The following TRPM3 variants were observed in gnomAD, a reference collection of about 807,000 sequenced individuals.
TRPM3 encodes the protein transient receptor potential cation channel subfamily M member 3.
Under a neutral mutation model 181.2 loss-of-function variants are expected in TRPM3, and 77 were observed. That is an observed-to-expected ratio of 0.42 (90% confidence interval 0.35 to 0.51). TRPM3 has a LOEUF of 0.51. Among genes scored for constraint, TRPM3 ranks in the 20% least tolerant of loss-of-function variants. The pLI, the probability that TRPM3 is intolerant of heterozygous loss-of-function variation, is 0.01. For missense variants in TRPM3, 1,759 were observed against 2,196.7 expected (o/e 0.80, Z 3.98); for synonymous variants, 745 against 796.4 (o/e 0.94, Z 1.09).
chr9:70,963,174 T>C (rs1454896953), intron 1 of TRPM3, among the ~76,000 whole-genome samples: 1 of 152,226 alleles, frequency 6.6e-6, no homozygotes, highest in African/African-American at 2.4e-5. Context: ...TTTCTGTATT[T>C]GTATGCACTG....
intron 1 of TRPM3, among the ~76,000 whole-genome samples, chr9:71,391,751 G>A (rs12352829): frequency 0.19 from 29,090 of 151,892 alleles, 3,080 homozygotes; most frequent in African/African-American, 0.27. Flanking sequence ...AATTCCTTAT[G>A]GTTCAACCTA....
intron 25 of TRPM3, among the ~76,000 whole-genome samples, chr9:70,547,276 AATGTGTGTATATACATACATATAC>A (rs2045226053): frequency 6.6e-6 from 1 of 152,066 alleles, no homozygotes; most frequent in South Asian, 2.1e-4. Flanking sequence ...TACCTTTCCA[AATGTGTGTATATACATACATATAC>A]ATATGTGTAT....
At chr9:70,917,371 T>A in intron 1 of TRPM3, 1 of 956,896 alleles carries the variant, frequency 1.0e-6, no homozygotes. Context: ...GTGAAAGGCC[T>A]TCAACCACTC....
chr9:71,079,254 C>T (rs943113979), intron 1 of TRPM3, among the ~76,000 whole-genome samples: 17 of 152,134 alleles, frequency 1.1e-4, no homozygotes, highest in South Asian at 2.1e-4. Context: ...AACAAAAGTG[C>T]TCTCTATGGG....
intron 1 of TRPM3, among the ~76,000 whole-genome samples, chr9:71,021,649 A>C (rs141810394): frequency 6.6e-5 from 10 of 152,332 alleles, no homozygotes; most frequent in African/African-American, 2.2e-4. Flanking sequence ...GTAAATGTTG[A>C]AAAGTTTCAC....
At chr9:70,942,415 G>A (rs1221272734) in intron 1 of TRPM3, among the ~76,000 whole-genome samples, 1 of 152,156 alleles carries the variant, frequency 6.6e-6, no homozygotes, top group Non-Finnish European at 1.5e-5. Flanking sequence ...AGAATTGTAA[G>A]ATTCAGAAAG....
At chr9:70,569,742 A>G (rs1380810835) in intron 22 of TRPM3, among the ~76,000 whole-genome samples, 1 of 152,220 alleles carries the variant, frequency 6.6e-6, no homozygotes, top group East Asian at 1.9e-4. Flanking sequence ...ATTTGCTCTC[A>G]TAGAATACTA....
chr9:71,372,922 T>C (rs2092563215), intron 1 of TRPM3, among the ~76,000 whole-genome samples: 2 of 152,092 alleles, frequency 1.3e-5, no homozygotes, highest in South Asian at 4.1e-4. Context: ...TAATAAACAG[T>C]CTGTCAGACA....
chr9:70,577,334 T>C (rs2054296643), intron 22 of TRPM3, among the ~76,000 whole-genome samples: 1 of 152,218 alleles, frequency 6.6e-6, no homozygotes, highest in South Asian at 2.1e-4. Flanking sequence ...ATGCAGAAGT[T>C]AAGAGCGTGG....
rs975935420 is a variant in TRPM3 at position 70,616,166 on chromosome 9, G to A, written c.2359-91C>T. Reference sequence around the variant, plus strand: ...AGAATCAGAGAGCCTGAGGTATGGGGTATAAGAGTGTATGCGTGTGTGTGT... The same window carrying A: ...AGAATCAGAGAGCCTGAGGTATGGGATATAAGAGTGTATGCGTGTGTGTGT... On this transcript the variant is annotated intron_variant, in intron 17 of 25. Coordinates refer to ENST00000677713, the MANE Select transcript of TRPM3 (RefSeq NM_001366145.2). 2.5e-5 allele frequency: 23 copies of A among 937,170 alleles called. No homozygotes were observed. The African/African-American group carries it at 3.7e-4, about 15-fold the overall frequency. 58.1% of individuals were successfully genotyped at this position (937,170 alleles called of 1,614,324 possible).
intron 1 of TRPM3, among the ~76,000 whole-genome samples, chr9:71,200,920 T>C (rs2078744126): frequency 6.6e-6 from 1 of 150,940 alleles, no homozygotes; most frequent in Non-Finnish European, 1.5e-5. Flanking sequence ...GTCATTATGA[T>C]GTTAGCTGGT....
intron 25 of TRPM3, among the ~76,000 whole-genome samples, chr9:70,537,737 T>C (rs565311313): frequency 6.6e-6 from 1 of 152,176 alleles, no homozygotes; most frequent in African/African-American, 2.4e-5. Context: ...CTTATTGAAG[T>C]AGAGTGGGGC....
chr9:70,781,122 G>A (rs1331996389), intron 7 of TRPM3, among the ~76,000 whole-genome samples: 8 of 151,882 alleles, frequency 5.3e-5, no homozygotes, highest in Non-Finnish European at 1.2e-4. Context: ...TTAGGAGATC[G>A]AGACCATCCT....
intron 22 of TRPM3, among the ~76,000 whole-genome samples, chr9:70,568,395 C>T (rs1040365110): frequency 1.3e-5 from 2 of 152,134 alleles, no homozygotes; most frequent in Non-Finnish European, 2.9e-5. Context: ...ATTGTTACAA[C>T]AAACATTTTA....
At chr9:71,123,361 G>A (rs1053625081), upstream of TRPM3, among the ~76,000 whole-genome samples, 2 of 152,194 alleles carry the variant, frequency 1.3e-5, no homozygotes, top group Admixed American at 6.5e-5. Flanking sequence ...TTTGAAGCTA[G>A]TCTTGGGAGA....
intron 6 of TRPM3, among the ~76,000 whole-genome samples, chr9:70,812,822 G>T (rs1005257308): frequency 6.6e-6 from 1 of 152,128 alleles, no homozygotes; most frequent in Non-Finnish European, 1.5e-5. Flanking sequence ...TTTAGTGAAG[G>T]TCAAGTGGGG....
At chr9:71,038,755 A>G (rs1056031867) in intron 1 of TRPM3, among the ~76,000 whole-genome samples, 1 of 152,126 alleles carries the variant, frequency 6.6e-6, no homozygotes, top group Non-Finnish European at 1.5e-5. Context: ...CAGGTCAGGG[A>G]AAGCTTTCTG....
At chr9:70,697,374 T>C (rs995294737) in intron 8 of TRPM3, among the ~76,000 whole-genome samples, 1 of 152,234 alleles carries the variant, frequency 6.6e-6, no homozygotes. Context: ...TTTCTGTTTA[T>C]CAGCTTTATT....
At chr9:70,917,428 G>A in intron 1 of TRPM3, 1 of 816,982 alleles carries the variant, frequency 1.2e-6, no homozygotes, top group Non-Finnish European at 2.2e-6. Flanking sequence ...GCTCAGAAAT[G>A]AACTCGGCCA....
Sources: gnomAD v4.1 joint callset for allele counts (sites outside exome capture counted in the v4.1 genomes callset) on GRCh38, gnomAD v4.1.1 for gene constraint, MANE v1.5 for transcripts, NCBI Gene and HGNC (gene_info 2026-07-23, HGNC 2026-07-21) for gene names.